Variants in MACROD2 observed in about 807,000 individuals in gnomAD.
MACROD2 encodes ADP-ribose glycohydrolase MACROD2.
MACROD2 carries 36 observed loss-of-function variants against 70.4 expected under a neutral mutation model. The observed-to-expected ratio is 0.51, with a 90% CI of 0.39 to 0.68. The LOEUF is 0.68. Among genes scored for constraint, MACROD2 ranks in the 30% least tolerant of loss-of-function variants. The pLI is 0.00. For synonymous variants in MACROD2, 172 were observed against 178.8 expected, an observed-to-expected ratio of 0.96 and a Z score of 0.30; for missense variants, 496 against 538.4, an observed-to-expected ratio of 0.92 and a Z score of 0.78.
chr20:15,990,661 A>G (rs1233045377), intron 15 of MACROD2, among the ~76,000 whole-genome samples: 1 of 152,186 alleles, frequency 6.6e-6, no homozygotes, highest in Non-Finnish European at 1.5e-5. Context: ...GCAAGTAAAG[A>G]GTTAAGTGCA....
chr20:14,196,446 G>C (rs908217122), intron 3 of MACROD2, among the ~76,000 whole-genome samples: 1 of 152,158 alleles, frequency 6.6e-6, no homozygotes, highest in Non-Finnish European at 1.5e-5. Context: ...TTAAAATTAC[G>C]TTTGTTATAA....
At chr20:14,949,237 G>A (rs2074456821) in intron 5 of MACROD2, among the ~76,000 whole-genome samples, 1 of 152,018 alleles carries the variant, frequency 6.6e-6, no homozygotes, top group South Asian at 2.1e-4. Context: ...CCTAAAAAGG[G>A]AATTGACTTT....
At chr20:15,442,487 C>T (rs544726109) in intron 7 of MACROD2, among the ~76,000 whole-genome samples, 1 of 152,140 alleles carries the variant, frequency 6.6e-6, no homozygotes, top group Non-Finnish European at 1.5e-5. Context: ...GTCTCATTTA[C>T]TTACCCGCCC....
intron 5 of MACROD2, among the ~76,000 whole-genome samples, chr20:14,932,048 A>T (rs1396395608): frequency 6.6e-6 from 1 of 151,942 alleles, no homozygotes; most frequent in Non-Finnish European, 1.5e-5. Flanking sequence ...ACCAGCAAAA[A>T]GTTAATAATC....
At chr20:15,278,189 G>C (rs1318566790) in intron 6 of MACROD2, among the ~76,000 whole-genome samples, 1 of 152,150 alleles carries the variant, frequency 6.6e-6, no homozygotes. Flanking sequence ...AGTTCTGAAG[G>C]ATAAAGCTTT....
intron 8 of MACROD2, among the ~76,000 whole-genome samples, chr20:15,595,553 G>A (rs1312078252): frequency 1.3e-5 from 2 of 152,042 alleles, no homozygotes; most frequent in Admixed American, 1.3e-4. Flanking sequence ...GTTAAATTAA[G>A]GCTGGTACTT....
At chr20:14,954,519 ATAT>A (rs1407790164) in intron 5 of MACROD2, among the ~76,000 whole-genome samples, 4 of 140,328 alleles carry the variant, frequency 2.9e-5, no homozygotes, top group African/African-American at 5.2e-5. Context: ...TATATAATTA[ATAT>A]TATATAATTA....
chr20:14,016,055 G>C (rs1340426154), intron 2 of MACROD2, among the ~76,000 whole-genome samples: 1 of 152,190 alleles, frequency 6.6e-6, no homozygotes, highest in East Asian at 1.9e-4. Flanking sequence ...AAACTTTTCT[G>C]TAGTGGCTAT....
intron 5 of MACROD2, among the ~76,000 whole-genome samples, chr20:15,080,936 T>A (rs934954110): frequency 3.3e-5 from 5 of 152,068 alleles, no homozygotes; most frequent in African/African-American, 1.2e-4. Flanking sequence ...ATTCTCCACA[T>A]CCACTCCACG....
At chr20:15,851,929 A>G (rs529827973) in intron 8 of MACROD2, among the ~76,000 whole-genome samples, 24 of 152,348 alleles carry the variant, frequency 1.6e-4, no homozygotes, top group African/African-American at 5.8e-4. Context: ...AGCACACGGC[A>G]GCTTCCTCTT....
intron 7 of MACROD2, among the ~76,000 whole-genome samples, chr20:15,460,788 C>T (rs1333688103): frequency 1.3e-5 from 2 of 151,766 alleles, no homozygotes; most frequent in African/African-American, 4.8e-5. Flanking sequence ...CTATCAAATT[C>T]CCATGGCCTC....
chr20:14,904,638 G>A (rs1337749823), intron 5 of MACROD2, among the ~76,000 whole-genome samples: 2 of 152,096 alleles, frequency 1.3e-5, no homozygotes, highest in African/African-American at 2.4e-5. Context: ...TCAGATTTTA[G>A]TAATGCTATT....
intron 8 of MACROD2, among the ~76,000 whole-genome samples, chr20:15,581,145 G>A (rs999161890): frequency 6.6e-6 from 1 of 152,200 alleles, no homozygotes; most frequent in Admixed American, 6.5e-5. Flanking sequence ...GAGAGATGGG[G>A]AAGGGAGATG....
chr20:14,666,653 C>G (rs2070739591), intron 4 of MACROD2, among the ~76,000 whole-genome samples: 1 of 151,756 alleles, frequency 6.6e-6, no homozygotes, highest in African/African-American at 2.4e-5. Context: ...ATTTATGTCC[C>G]CAGCGCTTGA....
At chr20:14,562,574 G>A (rs145461456) in intron 4 of MACROD2, among the ~76,000 whole-genome samples, 35 of 151,948 alleles carry the variant, frequency 2.3e-4, no homozygotes, top group African/African-American at 7.5e-4. Context: ...ACAAAAATGA[G>A]GCCTATATGC....
intron 6 of MACROD2, among the ~76,000 whole-genome samples, chr20:15,307,022 T>C (rs2077704127): frequency 6.6e-6 from 1 of 151,422 alleles, no homozygotes. Flanking sequence ...GAAACAGGGG[T>C]CTCTTTTAAA....
chr20:14,219,379 T>G (rs2081650189), intron 3 of MACROD2, among the ~76,000 whole-genome samples: 1 of 151,982 alleles, frequency 6.6e-6, no homozygotes, highest in Non-Finnish European at 1.5e-5. Flanking sequence ...CAAAGTTTCC[T>G]GAATTTTTTT....
chr20:14,435,817 C>T (rs1344137066), intron 3 of MACROD2, among the ~76,000 whole-genome samples: 2 of 151,978 alleles, frequency 1.3e-5, no homozygotes, highest in African/African-American at 4.8e-5. Flanking sequence ...AGTGATTCTC[C>T]TGCCTCAGCC....
chr20:15,870,600 A>G (rs1438407711), intron 9 of MACROD2, among the ~76,000 whole-genome samples: 1 of 152,000 alleles, frequency 6.6e-6, no homozygotes, highest in East Asian at 1.9e-4. Context: ...TTTGCCTTCC[A>G]CTTTGTGATG....
Sources: allele counts gnomAD v4.1 joint callset (sites outside exome capture counted in the v4.1 genomes callset), GRCh38; gene constraint gnomAD v4.1.1; transcripts MANE v1.5; gene names NCBI Gene and HGNC (gene_info 2026-07-23, HGNC 2026-07-21).